The following MEGF9 variants were observed in gnomAD, a reference collection of about 807,000 sequenced individuals.
MEGF9 encodes the protein multiple EGF like domains 9.
Under a neutral mutation model 46.8 loss-of-function variants are expected in MEGF9, and 6 were observed. The ratio of observed to expected loss-of-function variants is 0.13; its 90% CI spans 0.07 to 0.25. The LOEUF (loss-of-function observed/expected upper bound fraction) is 0.25, where lower values mean the gene tolerates loss of function less well. MEGF9 is among the 10% of genes least tolerant of loss of function. MEGF9 has a pLI of 1.00. For missense variants in MEGF9, 683 were observed against 792.4 expected (o/e 0.86, Z 1.66); for synonymous variants, 302 against 330.7 (o/e 0.91, Z 0.94).
chr9:120,621,674 T>C (rs2043499892), intron 3 of MEGF9, among the ~76,000 whole-genome samples: 1 of 152,206 alleles, frequency 6.6e-6, no homozygotes, highest in South Asian at 2.1e-4. Context: ...ATTTTTTTTC[T>C]CTTTGGTATT....
At chr9:120,701,186 T>C (rs1025480462) in intron 1 of MEGF9, among the ~76,000 whole-genome samples, 9 of 151,864 alleles carry the variant, frequency 5.9e-5, no homozygotes, top group African/African-American at 1.9e-4. Context: ...ATCCTCCTTG[T>C]AGTTAACAAT....
chr9:120,608,163 G>A (rs554455008), intron 4 of MEGF9, among the ~76,000 whole-genome samples, 153 bp from the exon 5 acceptor site: 5 of 152,236 alleles, frequency 3.3e-5, no homozygotes, highest in South Asian at 2.1e-4. Context: ...AGACCAGCCT[G>A]GGCAACATGA....
At chr9:120,622,436 A>G (rs1187126514) in intron 3 of MEGF9, among the ~76,000 whole-genome samples, 180 bp downstream of exon 3, 1 of 51,656 alleles carries the variant, frequency 1.9e-5, no homozygotes, top group Non-Finnish European at 4.3e-5. Flanking sequence ...TTTTTTTTTA[A>G]TTTACGTACT....
At chr9:120,658,234 G>A (rs973066863) in intron 2 of MEGF9, among the ~76,000 whole-genome samples, 1 of 152,248 alleles carries the variant, frequency 6.6e-6, no homozygotes, top group South Asian at 2.1e-4. Context: ...TGATCCACCC[G>A]CCTTGGCCTC....
At position 120,604,443 on chromosome 9, in the gene MEGF9, G is replaced by C. The variant is rs1430867309; in HGVS notation, c.*747C>G. Reference sequence around the variant, plus strand: ...ATAGATACAAATACAACGTCGACCAGATATGCTACATTAACTATGTACACC... The same window carrying C: ...ATAGATACAAATACAACGTCGACCACATATGCTACATTAACTATGTACACC... On this transcript the variant is annotated 3_prime_UTR_variant, in exon 6 of 6. Transcript: ENST00000373930. 1 of 152,430 alleles carries C rather than the reference G, an allele frequency of 6.6e-6. No homozygotes were observed. The highest frequency in any genetic ancestry group is 2.4e-5 in the African/African-American group (1 of 41,354). The allele number at this position is 152,430 out of a possible 1,614,324, so 9.4% of individuals were successfully genotyped here.
At chr9:120,626,121 T>C (rs1019839788) in intron 2 of MEGF9, among the ~76,000 whole-genome samples, 1 of 152,198 alleles carries the variant, frequency 6.6e-6, no homozygotes, top group Non-Finnish European at 1.5e-5. Context: ...TGTGTAGAAC[T>C]GGATTTTAAA....
chr9:120,704,105 G>C (rs1023182371), intron 1 of MEGF9, among the ~76,000 whole-genome samples: 1 of 152,116 alleles, frequency 6.6e-6, no homozygotes, highest in African/African-American at 2.4e-5. Context: ...AGGCCAAGGC[G>C]GGCGGATCAC....
chr9:120,605,436 G>C lies in MEGF9; in HGVS notation c.1563C>G (p.Ile521Met). ...CCATTAGCAGCACCACAACAATGAT[G>C]ATGACTGTCAAAATGATGATGTTAA... Reference protein sequence around the residue: ...TQFNIIILTVIIIVVVLLMGF... With the variant: ...TQFNIIILTVMIIVVVLLMGF... The change falls in exon 6 of 6, where the codon ATC becomes ATG. Residue 521 changes from isoleucine (I) to methionine (M), a missense_variant. Ile to Met is a conservative substitution (Grantham distance 10). Around this residue, in one of 2 missense-constraint regions of MEGF9, gnomAD observed 313 missense variants for 421.1 expected, o/e 0.74. Coordinates refer to ENST00000373930, the MANE Select transcript of MEGF9 (RefSeq NM_001080497.3). This position sits in a 1 kb window ranked among gnomAD's most constrained non-coding sequence, Gnocchi z 4.0. 1.2e-6 allele frequency: 2 copies of C among 1,614,014 alleles called. No homozygotes were observed. The highest frequency in any genetic ancestry group is 2.2e-5 in the South Asian group (2 of 91,082).
intron 3 of MEGF9, among the ~76,000 whole-genome samples, chr9:120,615,756 G>A (rs1394193032): frequency 6.6e-6 from 1 of 151,972 alleles, no homozygotes; most frequent in Non-Finnish European, 1.5e-5. Context: ...TTAGCTGGGT[G>A]CGGTGGTGCA....
intron 2 of MEGF9, among the ~76,000 whole-genome samples, chr9:120,648,344 A>G (rs2043634365): frequency 6.6e-6 from 1 of 151,748 alleles, no homozygotes; most frequent in Non-Finnish European, 1.5e-5. Context: ...TCAGAAATAT[A>G]ACAGTAGACA....
chr9:120,610,979 T>A (rs1383936695), intron 4 of MEGF9, among the ~76,000 whole-genome samples: 1 of 152,168 alleles, frequency 6.6e-6, no homozygotes, highest in Non-Finnish European at 1.5e-5. Context: ...TCTCTAAATA[T>A]ATGAATGAAC....
chr9:120,607,519 G>T (rs2043424697), intron 5 of MEGF9, among the ~76,000 whole-genome samples: 1 of 152,190 alleles, frequency 6.6e-6, no homozygotes, highest in African/African-American at 2.4e-5. Context: ...AGAACATTTT[G>T]TCTCACTGTC....
chr9:120,651,985 A>G (rs1047216319), intron 2 of MEGF9, among the ~76,000 whole-genome samples: 4 of 151,500 alleles, frequency 2.6e-5, no homozygotes, highest in Non-Finnish European at 4.4e-5. Flanking sequence ...ATTGAAGACA[A>G]TAAGAGAATT....
intron 1 of MEGF9, among the ~76,000 whole-genome samples, chr9:120,675,719 T>C (rs1278695376): frequency 1.3e-5 from 2 of 151,550 alleles, no homozygotes; most frequent in Non-Finnish European, 2.9e-5. Context: ...AAACCCTGTC[T>C]CTACTAAAAA....
intron 2 of MEGF9, among the ~76,000 whole-genome samples, chr9:120,656,973 T>C (rs1351757735): frequency 6.6e-6 from 1 of 152,150 alleles, no homozygotes; most frequent in Non-Finnish European, 1.5e-5. Context: ...TAAAGTTACA[T>C]GATTACCTAA....
Position 120,632,537 on chromosome 9 carries a change from T to C in MEGF9, c.804-9782A>G, listed in dbSNP as rs2043555208. ...TTTCTATATAAAAGATCATGTCATC[T>C]GCAAACAGACAATTTGATTTCCTCC... On this transcript the variant is annotated intron_variant, in intron 2 of 5. Coordinates refer to ENST00000373930, the MANE Select transcript of MEGF9 (RefSeq NM_001080497.3). Among the ~76,000 whole-genome samples the C allele has an allele frequency of 2.0e-5, 3 of 152,234 alleles. No homozygotes were observed. In the South Asian group the frequency reaches 6.2e-4, roughly 31 times the overall value.
intron 1 of MEGF9, among the ~76,000 whole-genome samples, chr9:120,687,772 G>GA (rs2043829906): frequency 8.8e-6 from 1 of 113,636 alleles, no homozygotes; most frequent in Non-Finnish European, 1.9e-5. Context: ...AGGGAAGAAA[G>GA]AAAAAGAGAT....
At chr9:120,674,960 G>A (rs1421468577) in intron 1 of MEGF9, among the ~76,000 whole-genome samples, 1 of 150,556 alleles carries the variant, frequency 6.6e-6, no homozygotes, top group Non-Finnish European at 1.5e-5. Flanking sequence ...CTCACTGCAA[G>A]CTCCGCCTTC....
intron 1 of MEGF9, among the ~76,000 whole-genome samples, chr9:120,690,429 T>C (rs2043843028): frequency 6.6e-6 from 1 of 152,202 alleles, no homozygotes; most frequent in Admixed American, 6.5e-5. Flanking sequence ...ACATTCAAAA[T>C]GAAAACTATT....
Sources: gnomAD v4.1 joint callset for allele counts (sites outside exome capture counted in the v4.1 genomes callset) on GRCh38, gnomAD v4.1.1 for gene constraint, gnomAD v4.1.1 regional missense constraint, Gnocchi (gnomAD v3.1) non-coding constraint, MANE v1.5 for transcripts, NCBI Gene and HGNC (gene_info 2026-07-23, HGNC 2026-07-21) for gene names.